Variants in MYPN observed in about 807,000 individuals in gnomAD.
The protein encoded by MYPN is myopalladin, also known as sarcomeric protein myopalladin, 145 kDa (MYOP).
Under a neutral mutation model 129.4 loss-of-function variants are expected in MYPN, and 63 were observed. That is an observed-to-expected ratio of 0.49 (90% confidence interval 0.40 to 0.60). The LOEUF (loss-of-function observed/expected upper bound fraction) is 0.60, where lower values mean the gene tolerates loss of function less well. MYPN is among the 20% of genes least tolerant of loss of function. MYPN has a pLI of 0.00. For synonymous variants in MYPN, 629 were observed against 600.9 expected, an observed-to-expected ratio of 1.05 and a Z score of -0.68; for missense variants, 1,596 against 1,635.4, an observed-to-expected ratio of 0.98 and a Z score of 0.42.
At chr10:68,124,319 A>G (rs2042294366) in intron 2 of MYPN, among the ~76,000 whole-genome samples, 1 of 152,194 alleles carries the variant, frequency 6.6e-6, no homozygotes, top group Admixed American at 6.5e-5. Context: ...AGAGTCCTAC[A>G]AGAGTTACTT....
chr10:68,101,335 A>G (rs1335802807), upstream of MYPN, among the ~76,000 whole-genome samples: 1 of 152,212 alleles, frequency 6.6e-6, no homozygotes, highest in Non-Finnish European at 1.5e-5. Flanking sequence ...TTTTGGTTGG[A>G]GATAAGTAAT....
At chr10:68,148,116 G>A (rs1482697550) in intron 4 of MYPN, among the ~76,000 whole-genome samples, 1 of 152,058 alleles carries the variant, frequency 6.6e-6, no homozygotes, top group East Asian at 1.9e-4. Context: ...TGACTCCCTG[G>A]CTACACTGAG....
intron 12 of MYPN, among the ~76,000 whole-genome samples, chr10:68,178,759 T>A (rs1459739708): frequency 6.6e-6 from 1 of 151,562 alleles, no homozygotes; most frequent in Non-Finnish European, 1.5e-5. Context: ...TAATGGAGCT[T>A]TCATGACAAA....
At chr10:68,194,186 A>T (rs1342522841) in intron 13 of MYPN, among the ~76,000 whole-genome samples, 177 bp from the exon 14 acceptor site, 1 of 152,138 alleles carries the variant, frequency 6.6e-6, no homozygotes, top group East Asian at 1.9e-4. Flanking sequence ...TACAGGTACG[A>T]GTGGAGGGGC....
intron 12 of MYPN, among the ~76,000 whole-genome samples, chr10:68,177,958 G>A (rs2043253945): frequency 6.6e-6 from 1 of 152,212 alleles, no homozygotes; most frequent in Non-Finnish European, 1.5e-5. Flanking sequence ...ACATTGTGCT[G>A]AGCATGAAAA....
intron 2 of MYPN, 24 bp downstream of exon 2, chr10:68,122,364 C>T (rs750207874): frequency 6.2e-7 from 1 of 1,610,010 alleles, no homozygotes; most frequent in Admixed American, 1.7e-5. Flanking sequence ...ATTGGTAATG[C>T]TGAGTAATGT....
chr10:68,200,024 T>C (rs987378278), intron 17 of MYPN, among the ~76,000 whole-genome samples: 7 of 152,210 alleles, frequency 4.6e-5, no homozygotes, highest in Non-Finnish European at 8.8e-5. Context: ...AACTGAAATG[T>C]CACCACCAGG....
At chr10:68,162,697 T>G (rs2042996802) in intron 8 of MYPN, among the ~76,000 whole-genome samples, 1 of 152,244 alleles carries the variant, frequency 6.6e-6, no homozygotes. Context: ...GGTTCACGCC[T>G]GTAATCCCAG....
intron 2 of MYPN, chr10:68,136,311 C>T: frequency 1.0e-6 from 1 of 969,096 alleles, no homozygotes; most frequent in Non-Finnish European, 1.2e-6. Context: ...TTATCCCAAT[C>T]ATTGACTCAT....
chr10:68,107,409 C>T (rs1200779410), upstream of MYPN, among the ~76,000 whole-genome samples: 5 of 147,536 alleles, frequency 3.4e-5, no homozygotes, highest in Admixed American at 6.8e-5. Context: ...GGCACCATCT[C>T]GGCTCACTGC....
Position 68,196,483 on chromosome 10 carries a change from C to CTTTTT in MYPN, c.3159-856_3159-852dup, listed in dbSNP as rs71009021. ...ACCGTTGCAACTATACCTTCTTCTT[C>CTTTTT]TTTTTTTTTTTTTTTTTGAGATGGG... On this transcript the variant is annotated intron_variant, in intron 15 of 19. Transcript: ENST00000358913. Among the ~76,000 whole-genome samples the CTTTTT allele has an allele frequency of 2.2e-3, 246 of 112,506 alleles. 9 individuals carry two copies. The highest frequency in any genetic ancestry group is 4.3e-3 in the African/African-American group (140 of 32,672). The allele number at this position is 112,506 out of a possible 152,430, so 73.8% of individuals were successfully genotyped here. A position where few individuals can be genotyped will look rare whatever the true frequency, so the allele number is the denominator to read the frequency against.
At chr10:68,148,213 C>A in intron 4 of MYPN, 140 bp from the exon 5 acceptor site, 1 of 731,182 alleles carries the variant, frequency 1.4e-6, no homozygotes, top group Non-Finnish European at 2.4e-6. Context: ...TGCCCTTGGT[C>A]AACGTTTGTA....
chr10:68,095,704 GCAAGA>G (rs1448774893), intron 1 of MYPN, among the ~76,000 whole-genome samples: 2 of 152,190 alleles, frequency 1.3e-5, no homozygotes, highest in Admixed American at 1.3e-4. Flanking sequence ...ACTAAGAGTA[GCAAGA>G]CAAAGTCCTA....
chr10:68,206,254 T>G (rs1441494236), intron 18 of MYPN, among the ~76,000 whole-genome samples: 1 of 152,094 alleles, frequency 6.6e-6, no homozygotes, highest in Non-Finnish European at 1.5e-5. Context: ...CAATATGCAG[T>G]CAAGGTGAAA....
intron 1 of MYPN, among the ~76,000 whole-genome samples, chr10:68,112,657 T>G (rs899632556): frequency 6.6e-6 from 1 of 152,246 alleles, no homozygotes; most frequent in African/African-American, 2.4e-5. Flanking sequence ...TCTTTCAAAC[T>G]GAAAAATTTT....
At chr10:68,101,097 A>T (rs1354662620) in intron 1 of MYPN, among the ~76,000 whole-genome samples, 1 of 152,178 alleles carries the variant, frequency 6.6e-6, no homozygotes, top group Non-Finnish European at 1.5e-5. Flanking sequence ...TCATGCCTTG[A>T]GATTAGAACT....
chr10:68,185,345 C>T (rs1161507505), intron 12 of MYPN, among the ~76,000 whole-genome samples: 1 of 152,116 alleles, frequency 6.6e-6, no homozygotes, highest in African/African-American at 2.4e-5. Context: ...CTGAAAAGCA[C>T]AGATTAGCTT....
At chr10:68,164,115 T>C (rs2043019408) in intron 8 of MYPN, among the ~76,000 whole-genome samples, 1 of 152,222 alleles carries the variant, frequency 6.6e-6, no homozygotes, top group Non-Finnish European at 1.5e-5. Context: ...GTCCACTGTG[T>C]GCTGCTGTGA....
intron 1 of MYPN, among the ~76,000 whole-genome samples, chr10:68,089,016 G>A (rs1323021428): frequency 6.6e-6 from 1 of 152,112 alleles, no homozygotes; most frequent in Non-Finnish European, 1.5e-5. Flanking sequence ...ACAATGCGTA[G>A]TCTTTTGTGA....
Sources: allele counts gnomAD v4.1 joint callset (sites outside exome capture counted in the v4.1 genomes callset), GRCh38; gene constraint gnomAD v4.1.1; transcripts MANE v1.5; gene names NCBI Gene and HGNC (gene_info 2026-07-23, HGNC 2026-07-21).